RASSF3: variants seen among roughly 807,000 people sequenced by gnomAD.
RASSF3 encodes the protein Ras association domain family member 3, also known as ras association domain-containing protein 3.
In RASSF3, 19 loss-of-function variants were observed where a neutral mutation model predicts 19.9. The ratio of observed to expected loss-of-function variants is 0.96; its 90% confidence interval spans 0.67 to 1.40. RASSF3 has a LOEUF of 1.40. Ranked by LOEUF, RASSF3 falls within the 40% of genes most tolerant of loss-of-function variation. The pLI is 0.00. For missense variants in RASSF3, 306 were observed against 289.8 expected, an observed-to-expected ratio of 1.06 and a Z score of -0.41; for synonymous variants, 110 against 104.2, an observed-to-expected ratio of 1.06 and a Z score of -0.34.
chr12:64,615,365 A>G (rs1247762245), intron 1 of RASSF3, among the ~76,000 whole-genome samples: 1 of 152,220 alleles, frequency 6.6e-6, no homozygotes, highest in African/African-American at 2.4e-5. Flanking sequence ...AGGGTAGTCA[A>G]GAAGTCTTGA....
intron 1 of RASSF3, among the ~76,000 whole-genome samples, chr12:64,655,327 G>A (rs1003720103): frequency 2.6e-5 from 4 of 152,144 alleles, no homozygotes; most frequent in Non-Finnish European, 4.4e-5. Flanking sequence ...TTGTGTAATC[G>A]TCTGTACATG....
chr12:64,663,213 G>A (rs1003904388), intron 1 of RASSF3, among the ~76,000 whole-genome samples: 3 of 152,020 alleles, frequency 2.0e-5, no homozygotes, highest in Admixed American at 1.3e-4. Context: ...ATTTTAAGGC[G>A]GGAACCTCGG....
intron 2 of RASSF3, among the ~76,000 whole-genome samples, chr12:64,565,987 G>A (rs886453456): frequency 6.6e-6 from 1 of 152,020 alleles, no homozygotes; most frequent in Non-Finnish European, 1.5e-5. Flanking sequence ...GATCACCTGA[G>A]TTTGGGAGTT....
At chr12:64,569,035 T>A (rs1178890429) in intron 2 of RASSF3, among the ~76,000 whole-genome samples, 1 of 152,148 alleles carries the variant, frequency 6.6e-6, no homozygotes, top group Non-Finnish European at 1.5e-5. Context: ...ATTGCCATCC[T>A]CTCACTGAAG....
At chr12:64,619,089 T>G (rs1870653489) in intron 1 of RASSF3, among the ~76,000 whole-genome samples, 1 of 152,172 alleles carries the variant, frequency 6.6e-6, no homozygotes, top group African/African-American at 2.4e-5. Flanking sequence ...GCATGATATT[T>G]TTGTTGAACA....
At chr12:64,516,998 C>CAAAAAAAAAAAAAAAAAAAA (rs371430838) in intron 1 of RASSF3, among the ~76,000 whole-genome samples, 19 of 51,936 alleles carry the variant, frequency 3.7e-4, no homozygotes, top group East Asian at 1.2e-3. Context: ...AAATCTGTCT[C>CAAAAAAAAAAAAAAAAAAAA]AAAAAAAAAA....
chr12:64,544,593 G>A (rs532612356), downstream of RASSF3, among the ~76,000 whole-genome samples: 5 of 151,164 alleles, frequency 3.3e-5, no homozygotes, highest in African/African-American at 9.7e-5. Context: ...CCTTAAGCCT[G>A]GGCAACAGAG....
At chr12:64,570,723 C>A (rs1869503983) in intron 2 of RASSF3, among the ~76,000 whole-genome samples, 1 of 152,116 alleles carries the variant, frequency 6.6e-6, no homozygotes, top group African/African-American at 2.4e-5. Context: ...ATGAACAATA[C>A]CCAAAAGAAT....
intron 2 of RASSF3, 40 bp from the exon 3 acceptor site, chr12:64,688,176 C>T: frequency 7.0e-7 from 1 of 1,425,866 alleles, no homozygotes. Context: ...AAAGTGCCAC[C>T]ATCCACCCAG....
Position 64,688,272 on chromosome 12 carries a change from T to G in RASSF3, c.276T>G (p.Pro92=). ...AAGTACAGATGGAACTCTGCAAACC[T>G]CCACAGACTTCTCCAAATTCTGGAA... ...FIKVQMELCK[P]PQTSPNSGKL... is the part of the protein sequence containing the mutation. The change falls in exon 3 of 5, where the codon CCT becomes CCG. Residue 92 remains proline (P), a synonymous_variant. Transcript: ENST00000542104. 6.2e-7 allele frequency: 1 copy of G among 1,614,122 alleles called. No homozygotes were observed.
At chr12:64,682,762 T>C (rs1319768441) in intron 1 of RASSF3, among the ~76,000 whole-genome samples, 1 of 152,164 alleles carries the variant, frequency 6.6e-6, no homozygotes, top group East Asian at 1.9e-4. Flanking sequence ...TGGAAACCAG[T>C]GCCTGCCTGG....
At chr12:64,690,713 A>G (rs925002573) in intron 3 of RASSF3, among the ~76,000 whole-genome samples, 9 of 149,044 alleles carry the variant, frequency 6.0e-5, no homozygotes, top group Admixed American at 3.3e-4. Context: ...CTCGAACTCC[A>G]GGCCTCAAGT....
chr12:64,547,195 C>T (rs1869078567), intron 2 of RASSF3, among the ~76,000 whole-genome samples: 1 of 151,244 alleles, frequency 6.6e-6, no homozygotes, highest in Admixed American at 6.6e-5. Flanking sequence ...TTGCTTGAAC[C>T]CAGGAGGTGG....
At chr12:64,550,362 GAAAGA>G (rs976025648) in intron 2 of RASSF3, among the ~76,000 whole-genome samples, 4 of 152,092 alleles carry the variant, frequency 2.6e-5, no homozygotes, top group Non-Finnish European at 4.4e-5. Flanking sequence ...GAAGAGAAGA[GAAAGA>G]AAAGAAAAGA....
intron 1 of RASSF3, among the ~76,000 whole-genome samples, chr12:64,520,635 A>T (rs1868460236): frequency 6.8e-6 from 1 of 147,920 alleles, no homozygotes; most frequent in Non-Finnish European, 1.5e-5. Flanking sequence ...GAAACCTAGA[A>T]ATATGTATTA....
At chr12:64,550,945 G>A (rs1869150601) in intron 2 of RASSF3, among the ~76,000 whole-genome samples, 1 of 151,112 alleles carries the variant, frequency 6.6e-6, no homozygotes, top group Non-Finnish European at 1.5e-5. Flanking sequence ...TCAACCCACA[G>A]CACCCCACCT....
intron 1 of RASSF3, among the ~76,000 whole-genome samples, chr12:64,661,933 G>A (rs964176085): frequency 4.0e-5 from 6 of 150,554 alleles, no homozygotes; most frequent in Admixed American, 4.0e-4. Context: ...TGCCCACCTC[G>A]GCCTCCCAAA....
At chr12:64,514,086 A>C (rs1868345199) in intron 1 of RASSF3, among the ~76,000 whole-genome samples, 1 of 142,314 alleles carries the variant, frequency 7.0e-6, no homozygotes. Context: ...ACGGGGTTTC[A>C]CCATGTTGGT....
At chr12:64,548,330 G>T (rs900229330) in intron 2 of RASSF3, among the ~76,000 whole-genome samples, 1 of 144,658 alleles carries the variant, frequency 6.9e-6, no homozygotes, top group South Asian at 2.3e-4. Flanking sequence ...GCACCATCAT[G>T]CCCAGCTAGT....
Sources: gnomAD v4.1 joint callset for allele counts (sites outside exome capture counted in the v4.1 genomes callset) on GRCh38, gnomAD v4.1.1 for gene constraint, MANE v1.5 for transcripts, NCBI Gene and HGNC (gene_info 2026-07-23, HGNC 2026-07-21) for gene names.